Variants in CLASRP observed in about 807,000 individuals in gnomAD.
The protein encoded by CLASRP is CLK4 associating serine/arginine rich protein.
A neutral mutation model predicts 99.9 loss-of-function variants in CLASRP; 52 were observed. The observed-to-expected ratio is 0.52, with a 90% confidence interval of 0.42 to 0.66. The LOEUF is 0.66. CLASRP is among the 30% of genes least tolerant of loss of function. The pLI is 0.00. For missense variants in CLASRP, 848 were observed against 999.2 expected, an observed-to-expected ratio of 0.85 and a Z score of 2.04; for synonymous variants, 379 against 373.0, an observed-to-expected ratio of 1.02 and a Z score of -0.18.
rs1451873234 is a variant in CLASRP, at chr19:45,060,863, C to G, written c.863+236C>G. On this transcript the variant is annotated intron_variant, in intron 10 of 20. Coordinates refer to ENST00000221455, the MANE Select transcript of CLASRP (RefSeq NM_007056.3). The surrounding 1 kb of genome is among the most constrained non-coding windows in gnomAD (Gnocchi z 4.6). ...TACTGGACTGGGGGCCCTTGCCAGA[C>G]TCCCAGGAGCCCATGCACAGGCGGC... 6.6e-6 allele frequency among the ~76,000 whole-genome samples: 1 copy of G among 152,240 alleles called. No homozygotes were observed. Among genetic ancestry groups the G allele is most frequent in the Non-Finnish European group, 1.5e-5 (1 of 68,044 alleles).
In CLASRP at chr19:45,060,940, T is replaced by C. The variant is rs189208708; in HGVS notation, c.863+313T>C. ...AGGGCACAGGCTTTGCCCTGGACTC[T>C]CACCCAGTTCTGCTGCTTGGCTTCT... On this transcript the variant is annotated intron_variant, in intron 10 of 20. Coordinates refer to ENST00000221455, the MANE Select transcript of CLASRP (RefSeq NM_007056.3). The surrounding 1 kb of genome is among the most constrained non-coding windows in gnomAD (Gnocchi z 4.6). 6.6e-6 allele frequency among the ~76,000 whole-genome samples: 1 copy of C among 152,330 alleles called. No individual in the cohort carries two copies. The highest frequency in any genetic ancestry group is 1.9e-4 in the East Asian group (1 of 5,166).
chr19:45,061,065 G>A (rs932930473), intron 10 of CLASRP, among the ~76,000 whole-genome samples: 10 of 152,170 alleles, frequency 6.6e-5, no homozygotes, highest in African/African-American at 2.4e-4. Flanking sequence ...AGAGAGGGCT[G>A]GGCAGTCCCC....
intron 5 of CLASRP, among the ~76,000 whole-genome samples, 194 bp downstream of exon 5, chr19:45,053,371 C>T (rs1032253020): frequency 1.3e-5 from 2 of 152,110 alleles, no homozygotes; most frequent in African/African-American, 2.4e-5. Context: ...GGATGTCTGC[C>T]GAATGGGTTG....
chr19:45,039,792 C>A lies in CLASRP; in HGVS notation c.-29-392C>A, dbSNP rs566565831. On this transcript the variant is annotated intron_variant, in intron 1 of 20. Coordinates refer to ENST00000221455, the MANE Select transcript of CLASRP (RefSeq NM_007056.3). ...GACTCATACCCAACCCCACGCATGG[C>A]CCCTAGTGGGAGCCTTTTCAGTTCT... The A allele has an allele frequency of 7.1e-5, 12 of 169,820 alleles. No homozygotes were observed. In the East Asian group the frequency reaches 1.9e-3, roughly 27 times the overall value. The allele number at this position is 169,820 out of a possible 1,614,324, so 10.5% of individuals were successfully genotyped here. A position where few individuals can be genotyped will look rare whatever the true frequency, so the allele number is the denominator to read the frequency against.
At chr19:45,052,377 C>T (rs1972041200) in intron 3 of CLASRP, among the ~76,000 whole-genome samples, 2 of 152,138 alleles carry the variant, frequency 1.3e-5, no homozygotes, top group African/African-American at 4.8e-5. Flanking sequence ...GAGTAGCAGT[C>T]ATGGTTGGAG....
chr19:45,052,694 C>T (rs1372246254), intron 3 of CLASRP, 97 bp from the exon 4 acceptor site: 11 of 863,012 alleles, frequency 1.3e-5, no homozygotes, highest in Non-Finnish European at 2.0e-5. Flanking sequence ...GGCTGAGGGC[C>T]AGGCTTCTAA....
chr19:45,066,269 G>A (rs1369004667), intron 13 of CLASRP, among the ~76,000 whole-genome samples: 4 of 151,770 alleles, frequency 2.6e-5, no homozygotes, highest in East Asian at 1.9e-4. Flanking sequence ...ACAGGCATGC[G>A]CCACCACACC....
intron 2 of CLASRP, among the ~76,000 whole-genome samples, chr19:45,044,674 C>T (rs1313879402): frequency 2.6e-5 from 4 of 152,072 alleles, no homozygotes; most frequent in African/African-American, 9.7e-5. Context: ...GAGGCTGAGG[C>T]AAGATGAGAC....
At chr19:45,058,495 C>T (rs902353380) in intron 7 of CLASRP, among the ~76,000 whole-genome samples, 2 of 152,168 alleles carry the variant, frequency 1.3e-5, no homozygotes, top group East Asian at 1.9e-4. Context: ...AAGTGATTCT[C>T]CTGCCTCAGC....
intron 2 of CLASRP, among the ~76,000 whole-genome samples, chr19:45,041,663 C>T (rs781073725): frequency 7.2e-5 from 11 of 152,318 alleles, no homozygotes; most frequent in Non-Finnish European, 1.3e-4. Flanking sequence ...TTCTAAAGCA[C>T]AAAACTGACC....
rs1317456690 is a variant in CLASRP, at chr19:45,039,077, C to G, written c.-61C>G. Reference sequence around the variant, plus strand: ...TTCCGCTTCCGGTGCGGGCCGCGCGCGAGCGCAGCGGTGGGAGGCGGCGAC... The same window carrying G: ...TTCCGCTTCCGGTGCGGGCCGCGCGGGAGCGCAGCGGTGGGAGGCGGCGAC... On this transcript the variant is annotated 5_prime_UTR_variant, in exon 1 of 21. Coordinates refer to ENST00000221455, the MANE Select transcript of CLASRP (RefSeq NM_007056.3). The G allele has an allele frequency of 1.3e-5, 2 of 152,152 alleles. No homozygotes were observed. The highest frequency in any genetic ancestry group is 2.4e-5 in the African/African-American group (1 of 41,426). The allele number at this position is 152,152 out of a possible 1,614,324, so 9.4% of individuals were successfully genotyped here. A position where few individuals can be genotyped will look rare whatever the true frequency, so the allele number is the denominator to read the frequency against.
chr19:45,053,154 T>G lies in CLASRP; in HGVS notation c.356T>G (p.Leu119Arg). 1 of 1,613,950 alleles carries G rather than the reference T, an allele frequency of 6.2e-7. No individual in the cohort carries two copies. The highest frequency in any genetic ancestry group is 8.5e-7 in the Non-Finnish European group (1 of 1,179,996). ...RKCNYERYRG[L>R]VQNDFAGISE... The stretch of plus-strand genomic sequence containing the variant: ...TGTAACTACGAGCGCTACAGAGGCC[T>G]GGTGCAGAACGACTTTGCCGGCAGT... The change falls in exon 5 of 21, where the codon CTG becomes CGG. Residue 119 changes from leucine (L) to arginine (R), a missense_variant. This residue lies in a region of CLASRP where 13 missense variants were observed against 41.2 expected (regional missense o/e 0.32). Transcript: ENST00000221455.
chr19:45,060,558 G>A lies in CLASRP; in HGVS notation c.794G>A (p.Arg265His), dbSNP rs1381710108. The change falls in exon 10 of 21, where the codon CGC (arginine) becomes CAC (histidine). Residue 265 changes from arginine (R) to histidine (H), a missense_variant. Around this residue, in one of 8 missense-constraint regions of CLASRP, gnomAD observed 119 missense variants for 170.2 expected, o/e 0.70. Coordinates refer to ENST00000221455, the MANE Select transcript of CLASRP (RefSeq NM_007056.3). The surrounding 1 kb of genome is among the most constrained non-coding windows in gnomAD (Gnocchi z 4.6). ...CTGGCACCCACCCTACTCCAGGGAC[G>A]CCGCTCTCGACGCCAGCGGAGAGAG... Reference protein sequence around the residue: ...LEEEKAMYSGRRSRRQRREFR... With the variant: ...LEEEKAMYSGHRSRRQRREFR... 3 of 1,613,438 alleles carry A rather than the reference G, an allele frequency of 1.9e-6. No homozygotes were observed. Among genetic ancestry groups the A allele is most frequent in the South Asian group, 1.1e-5 (1 of 91,038 alleles).
chr19:45,060,020 C>G lies in CLASRP; in HGVS notation c.711-369C>G, dbSNP rs1023796749. On this transcript the variant is annotated intron_variant, in intron 8 of 20. Transcript: ENST00000221455. This position sits in a 1 kb window ranked among gnomAD's most constrained non-coding sequence, Gnocchi z 4.6. ...TTTGGACGTCTGCAGCTTGCTCCCCCAGGTTTTTCTCTAGATACCCTGTTT... is the reference window on the plus strand; with the variant it reads ...TTTGGACGTCTGCAGCTTGCTCCCCGAGGTTTTTCTCTAGATACCCTGTTT... Among the ~76,000 whole-genome samples, 1 of 152,202 alleles carries G rather than the reference C, an allele frequency of 6.6e-6. No individual in the cohort carries two copies. Among genetic ancestry groups the G allele is most frequent in the African/African-American group, 2.4e-5 (1 of 41,448 alleles).
Position 45,064,212 on chromosome 19 carries a change from G to GT in CLASRP, c.1107dup (p.Asn370Ter). ...CAGCCTGGCGGCCCCGCCCCGGGAC[G>GT]TAATGCCAGCGCCCGGTCGGTAACG... On this transcript the variant is annotated frameshift_variant, in exon 12 of 21. Transcript: ENST00000221455. LOFTEE classifies it high-confidence loss of function. 1 of 1,597,756 alleles carries GT rather than the reference G, an allele frequency of 6.3e-7. No individual in the cohort carries two copies. The highest frequency in any genetic ancestry group is 1.1e-5 in the South Asian group (1 of 89,896).
At position 45,060,100 on chromosome 19, in the gene CLASRP, C is replaced by G. The variant is rs1337253702; in HGVS notation, c.711-289C>G. On this transcript the variant is annotated intron_variant, in intron 8 of 20. Coordinates refer to ENST00000221455, the MANE Select transcript of CLASRP (RefSeq NM_007056.3). This position sits in a 1 kb window ranked among gnomAD's most constrained non-coding sequence, Gnocchi z 4.6. The stretch of plus-strand genomic sequence containing the variant: ...AACTGCAGCTTCCTCTGCCTTTGCT[C>G]TACCATCTAATGGACCACACATTTT... 1.3e-5 allele frequency among the ~76,000 whole-genome samples: 2 copies of G among 152,164 alleles called. No individual in the cohort carries two copies. The highest frequency in any genetic ancestry group is 2.9e-5 in the Non-Finnish European group (2 of 68,018).
chr19:45,046,331 G>A (rs760716438), intron 2 of CLASRP, among the ~76,000 whole-genome samples: 5 of 152,178 alleles, frequency 3.3e-5, no homozygotes, highest in Non-Finnish European at 7.3e-5. Flanking sequence ...AGCAGACTCC[G>A]GTTCTGTCAT....
rs907029316 is a variant in CLASRP at position 45,039,117 on chromosome 19, A to C, written c.-30+9A>C. Reference sequence around the variant, plus strand: ...GAGGCGGCGACCAGCCGGTGAGTGCAGGCTGCGGCTCGACCTCCCGGTTTT... The same window carrying C: ...GAGGCGGCGACCAGCCGGTGAGTGCCGGCTGCGGCTCGACCTCCCGGTTTT... On this transcript the variant is annotated intron_variant, in intron 1 of 20. Transcript: ENST00000221455. The C allele has an allele frequency of 1.3e-5, 2 of 152,160 alleles. No individual in the cohort carries two copies. The highest frequency in any genetic ancestry group is 4.8e-5 in the African/African-American group (2 of 41,428). 9.4% of individuals were successfully genotyped at this position (152,160 alleles called of 1,614,324 possible).
intron 13 of CLASRP, among the ~76,000 whole-genome samples, chr19:45,065,431 C>T (rs1427296595): frequency 2.0e-5 from 3 of 150,858 alleles, no homozygotes; most frequent in Non-Finnish European, 2.9e-5. Flanking sequence ...CGTGGTGGCA[C>T]GCGCATGTAG....
Sources: gnomAD v4.1 joint callset for allele counts (sites outside exome capture counted in the v4.1 genomes callset) on GRCh38, gnomAD v4.1.1 for gene constraint, gnomAD v4.1.1 regional missense constraint, Gnocchi (gnomAD v3.1) non-coding constraint, MANE v1.5 for transcripts, NCBI Gene and HGNC (gene_info 2026-07-23, HGNC 2026-07-21) for gene names.